TPRG1: variants seen among roughly 807,000 people sequenced by gnomAD.
TPRG1 encodes tumor protein p63 regulated 1.
TPRG1 carries 29 observed loss-of-function variants against 29.3 expected under a neutral mutation model. The ratio of observed to expected loss-of-function variants is 0.99; its 90% CI spans 0.74 to 1.35. TPRG1 has a LOEUF of 1.35. TPRG1 is among the 40% of genes most tolerant of loss of function. TPRG1 has a pLI of 0.00. For synonymous variants in TPRG1, 130 were observed against 116.8 expected (o/e 1.11, Z -0.73); for missense variants, 327 against 335.0 (o/e 0.98, Z 0.19).
intron 1 of TPRG1, among the ~76,000 whole-genome samples, chr3:189,198,639 G>C (rs977795861): frequency 1.3e-5 from 2 of 152,190 alleles, no homozygotes; most frequent in African/African-American, 4.8e-5. Flanking sequence ...ATCCATCCAA[G>C]AAATTTAAAC....
intron 3 of TPRG1, among the ~76,000 whole-genome samples, chr3:189,231,271 T>TATATATATATAC (rs1178665518): frequency 7.3e-6 from 1 of 137,146 alleles, no homozygotes. Context: ...AAAACATATA[T>TATATATATATAC]ATATATATAT....
chr3:189,313,185 T>G (rs550575343), intron 5 of TPRG1: 21 of 152,350 alleles, frequency 1.4e-4, no homozygotes, highest in Non-Finnish European at 1.9e-4. Flanking sequence ...ATGAGTACTT[T>G]GATCCAGGTT....
chr3:189,138,127 T>C (rs1016371216), intron 3 of TPRG1, among the ~76,000 whole-genome samples: 1 of 152,034 alleles, frequency 6.6e-6, no homozygotes, highest in Non-Finnish European at 1.5e-5. Flanking sequence ...GGGGAGGAAG[T>C]GACAATACTT....
chr3:189,307,184 G>A (rs143154614), intron 4 of TPRG1, among the ~76,000 whole-genome samples: 233 of 152,112 alleles, frequency 1.5e-3, no homozygotes, highest in African/African-American at 5.3e-3. Flanking sequence ...CACCACACCC[G>A]GCTAATTTTT....
chr3:189,017,273 C>T (rs1712992684), intron 3 of TPRG1, among the ~76,000 whole-genome samples: 2 of 151,242 alleles, frequency 1.3e-5, no homozygotes, highest in Admixed American at 1.3e-4. Flanking sequence ...TACATGTGCA[C>T]ATTGTGCAGG....
intron 2 of TPRG1, among the ~76,000 whole-genome samples, chr3:189,001,691 G>T (rs1010252883): frequency 1.3e-5 from 2 of 152,122 alleles, no homozygotes; most frequent in Non-Finnish European, 2.9e-5. Context: ...ATTGAAAGAT[G>T]CTGAAGACAA....
upstream of TPRG1, among the ~76,000 whole-genome samples, chr3:189,170,731 G>A (rs1331736381): frequency 6.6e-6 from 1 of 152,116 alleles, no homozygotes; most frequent in Non-Finnish European, 1.5e-5. Flanking sequence ...TAAAAGGACT[G>A]TTTATTCATT....
intron 1 of TPRG1, among the ~76,000 whole-genome samples, chr3:189,100,836 G>A (rs1002071771): frequency 2.0e-4 from 31 of 152,162 alleles, no homozygotes; most frequent in Admixed American, 5.2e-4. Flanking sequence ...GGGCCACTGC[G>A]GCTTCCACCG....
Position 189,321,686 on chromosome 3 carries a change from T to C in TPRG1, c.*866T>C, listed in dbSNP as rs1301702136. 1 of 152,190 alleles carries C rather than the reference T, an allele frequency of 6.6e-6. No homozygotes were observed. The highest frequency in any genetic ancestry group is 2.4e-5 in the African/African-American group (1 of 41,456). 9.4% of individuals were successfully genotyped at this position (152,190 alleles called of 1,614,324 possible). On this transcript the variant is annotated 3_prime_UTR_variant, in exon 6 of 6. Transcript: ENST00000345063. ...TTCAATCTATCCTACACTTGGTTTCTAGCTCATTTACTTATACCATCTTTT... is the reference window on the plus strand; with the variant it reads ...TTCAATCTATCCTACACTTGGTTTCCAGCTCATTTACTTATACCATCTTTT...
At chr3:189,187,462 C>T (rs570530736) in intron 1 of TPRG1, among the ~76,000 whole-genome samples, 39 of 141,456 alleles carry the variant, frequency 2.8e-4, no homozygotes, top group South Asian at 7.3e-4. Flanking sequence ...CCCGCCACCA[C>T]GCTCAGCTGA....
intron 1 of TPRG1, among the ~76,000 whole-genome samples, chr3:189,193,140 T>C (rs1326297702): frequency 1.4e-5 from 2 of 145,656 alleles, no homozygotes; most frequent in Non-Finnish European, 3.0e-5. Flanking sequence ...TAATTTTTTT[T>C]TTTTTTTTTT....
intron 1 of TPRG1, among the ~76,000 whole-genome samples, chr3:189,200,725 T>G (rs79516714): frequency 0.012 from 1,768 of 152,346 alleles, 31 homozygotes; most frequent in African/African-American, 0.039. Context: ...AATTTCATTC[T>G]TTATTTAACT....
At chr3:189,164,636 T>A (rs892352625) in intron 5 of TPRG1, among the ~76,000 whole-genome samples, 1 of 151,180 alleles carries the variant, frequency 6.6e-6, no homozygotes, top group Non-Finnish European at 1.5e-5. Context: ...TCCCTTTTTT[T>A]TAAAAAAAAA....
chr3:189,299,857 G>C (rs888390955), intron 4 of TPRG1, among the ~76,000 whole-genome samples: 4 of 152,134 alleles, frequency 2.6e-5, no homozygotes, highest in African/African-American at 9.7e-5. Flanking sequence ...GGAATGGTTT[G>C]GTTGGAGCTG....
chr3:189,152,612 G>A lies in TPRG1; in HGVS notation c.-10+1740G>A, dbSNP rs189790746. 1.1e-3 allele frequency among the ~76,000 whole-genome samples: 162 copies of A among 149,542 alleles called. 1 individual carries two copies. Among genetic ancestry groups the A allele is most frequent in the African/African-American group, 3.7e-3 (151 of 40,556 alleles). On this transcript the variant is annotated intron_variant, in intron 5 of 6. Transcript: ENST00000412373. ...TTATTAAAAAGTAGGATTGCTACCC[G>A]CCATTACTATTAAAAAGTAGGATTC...
chr3:189,245,525 A>G (rs1741247087), intron 4 of TPRG1, among the ~76,000 whole-genome samples: 1 of 152,000 alleles, frequency 6.6e-6, no homozygotes, highest in South Asian at 2.1e-4. Context: ...AGATATCTTA[A>G]TTATACTTAA....
At chr3:189,263,369 C>A (rs1451136551) in intron 4 of TPRG1, among the ~76,000 whole-genome samples, 1 of 152,154 alleles carries the variant, frequency 6.6e-6, no homozygotes, top group African/African-American at 2.4e-5. Flanking sequence ...GAGCTTGGTG[C>A]CTCCGAGGAA....
chr3:189,258,289 G>T (rs1323676213), intron 4 of TPRG1, among the ~76,000 whole-genome samples: 4 of 152,064 alleles, frequency 2.6e-5, no homozygotes, highest in African/African-American at 9.7e-5. Context: ...GAGTTTGCTG[G>T]GGGTCCACTC....
chr3:189,185,089 G>A (rs1231608338), intron 1 of TPRG1, among the ~76,000 whole-genome samples: 5 of 152,146 alleles, frequency 3.3e-5, no homozygotes, highest in Non-Finnish European at 5.9e-5. Flanking sequence ...GCATTTTCAT[G>A]TCCTACACAT....
Sources: allele counts gnomAD v4.1 joint callset (sites outside exome capture counted in the v4.1 genomes callset), GRCh38; gene constraint gnomAD v4.1.1; transcripts MANE v1.5; gene names NCBI Gene and HGNC (gene_info 2026-07-23, HGNC 2026-07-21).